Variants in MTTP observed in about 807,000 individuals in gnomAD.
The protein encoded by MTTP is microsomal triglyceride transfer protein large subunit.
MTTP carries 49 observed loss-of-function variants against 90.6 expected under a neutral mutation model. The observed-to-expected ratio is 0.54, with a 90% CI of 0.43 to 0.69. The LOEUF is 0.69. MTTP is among the 30% of genes least tolerant of loss of function. The probability of loss-of-function intolerance (pLI) is 0.00; values close to 1 mark genes in which losing one functional copy is unlikely to be tolerated. For synonymous variants in MTTP, 347 were observed against 384.2 expected, an observed-to-expected ratio of 0.90 and a Z score of 1.13; for missense variants, 945 against 1,067.5, an observed-to-expected ratio of 0.89 and a Z score of 1.60.
Position 99,574,837 on chromosome 4 carries a change from C to G in MTTP, c.-73C>G, listed in dbSNP as rs1724915046. On this transcript the variant is annotated 5_prime_UTR_variant, in exon 1 of 18. Coordinates refer to ENST00000265517, the MANE Select transcript of MTTP (RefSeq NM_001386140.1). ...CTGAAGAGGGTCACTCCCTCACTGGCTGCCATTGAAAGAGTCCACTTCTCA... is the reference window on the plus strand; with the variant it reads ...CTGAAGAGGGTCACTCCCTCACTGGGTGCCATTGAAAGAGTCCACTTCTCA... The G allele has an allele frequency of 6.2e-7, 1 of 1,613,752 alleles. No homozygotes were observed. The highest frequency in any genetic ancestry group is 8.5e-7 in the Non-Finnish European group (1 of 1,179,852).
At chr4:99,579,562 T>C (rs1403198635) in intron 1 of MTTP, among the ~76,000 whole-genome samples, 1 of 152,174 alleles carries the variant, frequency 6.6e-6, no homozygotes, top group Non-Finnish European at 1.5e-5. Flanking sequence ...GGTTTTTCTC[T>C]CAGCATCTCC....
chr4:99,609,758 C>T (rs1165107607), intron 12 of MTTP, among the ~76,000 whole-genome samples: 3 of 152,056 alleles, frequency 2.0e-5, no homozygotes, highest in Admixed American at 6.6e-5. Flanking sequence ...ACATAAGAAA[C>T]GGGTGTGAGT....
chr4:99,621,297 T>G, intron 17 of MTTP, 66 bp downstream of exon 17: 1 of 1,550,114 alleles, frequency 6.5e-7, no homozygotes. Flanking sequence ...TGCATTCAGT[T>G]TAGAACATTC....
At chr4:99,580,376 A>G (rs1725074256) in intron 1 of MTTP, among the ~76,000 whole-genome samples, 1 of 151,392 alleles carries the variant, frequency 6.6e-6, no homozygotes, top group Admixed American at 6.6e-5. Flanking sequence ...GGAGTTCAAG[A>G]CCAGCCTGGC....
At chr4:99,598,587 T>C (rs1483309173) in intron 8 of MTTP, among the ~76,000 whole-genome samples, 2 of 150,254 alleles carry the variant, frequency 1.3e-5, no homozygotes, top group South Asian at 4.2e-4. Flanking sequence ...GATACTAAGA[T>C]GAACTAAAAT....
At chr4:99,579,773 C>T (rs1479169120) in intron 1 of MTTP, among the ~76,000 whole-genome samples, 2 of 151,972 alleles carry the variant, frequency 1.3e-5, no homozygotes, top group Non-Finnish European at 2.9e-5. Context: ...TGCGGTGGCT[C>T]ACACCTGTAA....
Position 99,612,996 on chromosome 4 carries a change from T to C in MTTP, c.2073T>C (p.Gly691=), listed in dbSNP as rs1389022945. 1.9e-6 allele frequency: 3 copies of C among 1,614,110 alleles called. No homozygotes were observed. In the South Asian group the frequency reaches 3.3e-5, roughly 18 times the overall value. The change falls in exon 15 of 18, where the codon GGT becomes GGC. Residue 691 remains glycine, a synonymous_variant. Transcript: ENST00000265517. ...EGEENLDSYA[G]MSAILFDVQL... ...AGGAGAACCTTGACTCCTATGCTGG[T>C]ATGTCAGCCATCCTCTTTGATGTTC...
At chr4:99,598,933 G>C (rs1257390562) in intron 8 of MTTP, among the ~76,000 whole-genome samples, 1 of 152,110 alleles carries the variant, frequency 6.6e-6, no homozygotes, top group Admixed American at 6.5e-5. Context: ...AAAGTGCTGG[G>C]ATTACAGGCG....
intron 1 of MTTP, among the ~76,000 whole-genome samples, chr4:99,565,021 C>T (rs1724636427): frequency 6.6e-6 from 1 of 152,198 alleles, no homozygotes; most frequent in Admixed American, 6.5e-5. Flanking sequence ...TCTTTGTTAA[C>T]TGAGCACTGG....
chr4:99,566,640 A>G (rs1415033387), intron 1 of MTTP, among the ~76,000 whole-genome samples: 2 of 152,204 alleles, frequency 1.3e-5, no homozygotes, highest in Middle Eastern at 3.2e-3. Context: ...AAGAACAGCC[A>G]TAAATATGAA....
chr4:99,590,677 G>A (rs1725392321), intron 4 of MTTP, among the ~76,000 whole-genome samples: 1 of 152,108 alleles, frequency 6.6e-6, no homozygotes, highest in Admixed American at 6.6e-5. Flanking sequence ...AGAGGCCCCA[G>A]GAAAAAGCTC....
At chr4:99,597,948 GACAA>G (rs1250356321) in intron 8 of MTTP, among the ~76,000 whole-genome samples, 2 of 151,974 alleles carry the variant, frequency 1.3e-5, no homozygotes, top group African/African-American at 2.4e-5. Context: ...CAATTAATTT[GACAA>G]ACAGTGAAAA....
chr4:99,568,394 GAAAC>G (rs546284772), intron 1 of MTTP, among the ~76,000 whole-genome samples: 21 of 152,150 alleles, frequency 1.4e-4, no homozygotes, highest in Non-Finnish European at 2.6e-4. Context: ...AAATTAAAAA[GAAAC>G]AACCCCTCCA....
intron 4 of MTTP, among the ~76,000 whole-genome samples, chr4:99,590,873 C>CA (rs947820437): frequency 1.3e-5 from 2 of 151,876 alleles, no homozygotes; most frequent in Admixed American, 1.3e-4. Flanking sequence ...ACCACACACA[C>CA]ACAGAATCTA....
At chr4:99,608,732 A>T in intron 11 of MTTP, 34 bp from the exon 12 acceptor site, 1 of 1,495,922 alleles carries the variant, frequency 6.7e-7, no homozygotes, top group Non-Finnish European at 9.3e-7. Flanking sequence ...TTAAAAATCT[A>T]GATGTGCACT....
intron 6 of MTTP, 99 bp from the exon 7 acceptor site, chr4:99,594,634 G>C: frequency 7.0e-7 from 1 of 1,420,302 alleles, no homozygotes. Context: ...TATACAACTT[G>C]AATAAATTAC....
At chr4:99,581,476 T>G (rs1725112548) in intron 1 of MTTP, among the ~76,000 whole-genome samples, 1 of 152,166 alleles carries the variant, frequency 6.6e-6, no homozygotes. Flanking sequence ...TTCTAACCAC[T>G]AAAACTACCT....
chr4:99,613,767 T>C (rs1391442480), intron 15 of MTTP, among the ~76,000 whole-genome samples: 1 of 152,222 alleles, frequency 6.6e-6, no homozygotes, highest in Admixed American at 6.5e-5. Context: ...CGAAATCTTA[T>C]GATACTGTAC....
intron 1 of MTTP, among the ~76,000 whole-genome samples, chr4:99,569,212 C>T (rs891708545): frequency 3.9e-5 from 6 of 152,098 alleles, no homozygotes; most frequent in African/African-American, 1.4e-4. Context: ...CTCCTCCAAA[C>T]TTAACAACCT....
Sources: gnomAD v4.1 joint callset for allele counts (sites outside exome capture counted in the v4.1 genomes callset) on GRCh38, gnomAD v4.1.1 for gene constraint, MANE v1.5 for transcripts, NCBI Gene and HGNC (gene_info 2026-07-23, HGNC 2026-07-21) for gene names.